Variants in KIAA1328 observed in about 807,000 individuals in gnomAD.
The protein encoded by KIAA1328 is protein hinderin.
Under a neutral mutation model 68.1 loss-of-function variants are expected in KIAA1328, and 52 were observed. The observed-to-expected ratio is 0.76, with a 90% CI of 0.61 to 0.96. The LOEUF (loss-of-function observed/expected upper bound fraction) is 0.96, where lower values mean the gene tolerates loss of function less well. Ranked by LOEUF, KIAA1328 falls within the 40% of genes least tolerant of loss-of-function variation. KIAA1328 has a pLI of 0.00. For synonymous variants in KIAA1328, 232 were observed against 239.4 expected (o/e 0.97, Z 0.28); for missense variants, 641 against 677.6 (o/e 0.95, Z 0.60).
At chr18:37,197,906 A>G (rs1475815318) in intron 9 of KIAA1328, among the ~76,000 whole-genome samples, 2 of 152,178 alleles carry the variant, frequency 1.3e-5, no homozygotes, top group Non-Finnish European at 2.9e-5. Context: ...GTGAATGTTC[A>G]TAACAGCACA....
chr18:36,874,386 G>A (rs571585124), intron 4 of KIAA1328, among the ~76,000 whole-genome samples: 15 of 152,296 alleles, frequency 9.8e-5, no homozygotes, highest in Non-Finnish European at 1.6e-4. Context: ...TCTAACTGGT[G>A]TGAGATGGTA....
At chr18:36,898,076 T>A (rs1482100284) in intron 5 of KIAA1328, among the ~76,000 whole-genome samples, 4 of 152,038 alleles carry the variant, frequency 2.6e-5, no homozygotes, top group Admixed American at 2.0e-4. Flanking sequence ...AATTATGAAG[T>A]TCTATGAAAA....
At position 37,124,859 on chromosome 18, in the gene KIAA1328, G is replaced by C. The variant is rs138225014; in HGVS notation, c.1233-35341G>C. Among the ~76,000 whole-genome samples the C allele has an allele frequency of 6.6e-5, 10 of 152,190 alleles. No individual in the cohort carries two copies. In the East Asian group the frequency reaches 1.5e-3, roughly 24 times the overall value. On this transcript the variant is annotated intron_variant, in intron 7 of 9. Coordinates refer to ENST00000280020, the MANE Select transcript of KIAA1328 (RefSeq NM_020776.3). ...CATTCTTACATGACTGGCTTCTTAT[G>C]CATCAAGGAAAATAGCAGTGAGGTG...
At chr18:37,171,075 A>G (rs909763696) in intron 8 of KIAA1328, among the ~76,000 whole-genome samples, 3 of 152,342 alleles carry the variant, frequency 2.0e-5, no homozygotes, top group Admixed American at 1.3e-4. Flanking sequence ...TAAAGTTACT[A>G]TTTATCAAAC....
chr18:37,130,287 T>G (rs2058490842), intron 7 of KIAA1328, among the ~76,000 whole-genome samples: 1 of 152,174 alleles, frequency 6.6e-6, no homozygotes, highest in Non-Finnish European at 1.5e-5. Context: ...CATATACATA[T>G]ATTACTTACT....
intron 7 of KIAA1328, among the ~76,000 whole-genome samples, chr18:37,140,178 A>G (rs2058736614): frequency 6.7e-6 from 1 of 150,024 alleles, no homozygotes. Flanking sequence ...TCTAGGCTAG[A>G]TTTTTTTTTT....
At chr18:37,049,645 G>A (rs1036632161) in intron 6 of KIAA1328, among the ~76,000 whole-genome samples, 1 of 152,086 alleles carries the variant, frequency 6.6e-6, no homozygotes, top group African/African-American at 2.4e-5. Context: ...TTCTCACTCA[G>A]TCTCTTTAAT....
At chr18:37,020,875 C>A (rs943716175) in intron 6 of KIAA1328, among the ~76,000 whole-genome samples, 1 of 152,176 alleles carries the variant, frequency 6.6e-6, no homozygotes, top group Admixed American at 6.5e-5. Context: ...GTACTTTAGT[C>A]TGTGAACACA....
chr18:37,189,020 A>G (rs1432738209), intron 9 of KIAA1328, among the ~76,000 whole-genome samples: 2 of 152,204 alleles, frequency 1.3e-5, no homozygotes, highest in Non-Finnish European at 2.9e-5. Flanking sequence ...GAGTTGAGTA[A>G]AAATCTGTTG....
intron 3 of KIAA1328, among the ~76,000 whole-genome samples, chr18:36,839,943 GC>G (rs1237783863): frequency 3.3e-5 from 5 of 152,272 alleles, no homozygotes; most frequent in Admixed American, 2.0e-4. Context: ...ACATACATAT[GC>G]TGGTCAGTGC....
At chr18:36,944,483 G>T (rs1378273503) in intron 5 of KIAA1328, among the ~76,000 whole-genome samples, 1 of 152,136 alleles carries the variant, frequency 6.6e-6, no homozygotes, top group Non-Finnish European at 1.5e-5. Context: ...GGAGGCTGAG[G>T]CAGGAGAATG....
At chr18:36,979,985 G>C (rs2052620535) in intron 6 of KIAA1328, among the ~76,000 whole-genome samples, 5 of 152,072 alleles carry the variant, frequency 3.3e-5, no homozygotes. Flanking sequence ...GAGTAATGCT[G>C]TTATAAAAAG....
intron 9 of KIAA1328, among the ~76,000 whole-genome samples, chr18:37,214,394 T>G (rs1444227779): frequency 6.6e-6 from 1 of 152,244 alleles, no homozygotes; most frequent in Non-Finnish European, 1.5e-5. Flanking sequence ...CAGCACCATT[T>G]ATTAAATAGG....
At chr18:37,176,188 A>T (rs570667421) in intron 9 of KIAA1328, among the ~76,000 whole-genome samples, 1 of 152,318 alleles carries the variant, frequency 6.6e-6, no homozygotes, top group African/African-American at 2.4e-5. Context: ...CCCAAATATG[A>T]ATAATGTATT....
At chr18:37,189,670 C>T (rs1311031061) in intron 9 of KIAA1328, among the ~76,000 whole-genome samples, 1 of 152,152 alleles carries the variant, frequency 6.6e-6, no homozygotes, top group Non-Finnish European at 1.5e-5. Context: ...GGCATGGGCA[C>T]CCAGCATTCA....
intron 7 of KIAA1328, among the ~76,000 whole-genome samples, chr18:37,106,709 G>A (rs904206030): frequency 3.9e-5 from 6 of 152,062 alleles, no homozygotes; most frequent in Non-Finnish European, 7.4e-5. Context: ...ACTGCACCTG[G>A]CCTAAAAATC....
intron 7 of KIAA1328, among the ~76,000 whole-genome samples, chr18:37,138,285 G>T (rs2058689113): frequency 6.6e-6 from 1 of 152,098 alleles, no homozygotes; most frequent in Non-Finnish European, 1.5e-5. Flanking sequence ...AAGTAACTTG[G>T]TTAAGAAATT....
intron 6 of KIAA1328, among the ~76,000 whole-genome samples, chr18:37,060,694 C>T (rs753810646): frequency 6.6e-6 from 1 of 152,090 alleles, no homozygotes; most frequent in African/African-American, 2.4e-5. Context: ...GGCAAAAACG[C>T]AATTACTTTT....
At chr18:36,867,317 C>A (rs1339198573) in intron 4 of KIAA1328, among the ~76,000 whole-genome samples, 1 of 152,182 alleles carries the variant, frequency 6.6e-6, no homozygotes, top group Non-Finnish European at 1.5e-5. Context: ...CCTGCTTTCA[C>A]CATGTGAAGT....
Sources: gnomAD v4.1 joint callset for allele counts (sites outside exome capture counted in the v4.1 genomes callset) on GRCh38, gnomAD v4.1.1 for gene constraint, MANE v1.5 for transcripts, NCBI Gene and HGNC (gene_info 2026-07-23, HGNC 2026-07-21) for gene names.